Variants in OTOG observed in about 807,000 individuals in gnomAD.
The protein encoded by OTOG is otogelin.
OTOG carries 296 observed loss-of-function variants against 313.8 expected under a neutral mutation model. That is an observed-to-expected ratio of 0.94 (90% confidence interval 0.86 to 1.04). The LOEUF (loss-of-function observed/expected upper bound fraction) is 1.04, where lower values mean the gene tolerates loss of function less well. Among genes scored for constraint, OTOG ranks in the 50% least tolerant of loss-of-function variants. OTOG has a pLI of 0.00. For missense variants in OTOG, 3,948 were observed against 3,840.1 expected (o/e 1.03, Z -0.74); for synonymous variants, 1,533 against 1,554.9 (o/e 0.99, Z 0.33).
intron 30 of OTOG, among the ~76,000 whole-genome samples, chr11:17,597,748 A>G (rs1335656841): frequency 6.6e-6 from 1 of 152,182 alleles, no homozygotes; most frequent in Non-Finnish European, 1.5e-5. Context: ...ATTCCCACGC[A>G]CCAAAGGATT....
Position 17,639,443 on chromosome 11 carries a change from C to A in OTOG, c.7915C>A (p.Pro2639Thr), listed in dbSNP as rs528744111. ...KSCECDCDTI[P>T]VPRCHLWEKS... ...TTCAGAATGTGACTGTGACACAATC[C>A]CGGTGCCCCGGTGCCATCTGGTATG... The change falls in exon 49 of 56, where the codon CCG becomes ACG. Residue 2639 changes from proline (P) to threonine (T), a missense_variant. By Grantham distance (38) the Pro-to-Thr change is conservative. Coordinates refer to ENST00000399397, the MANE Select transcript of OTOG (RefSeq NM_001292063.2). 2.6e-6 allele frequency: 4 copies of A among 1,550,700 alleles called. No homozygotes were observed. The East Asian group carries it at 9.8e-5, about 38-fold the overall frequency.
chr11:17,620,657 A>G (rs1853841906), intron 39 of OTOG, among the ~76,000 whole-genome samples: 1 of 150,586 alleles, frequency 6.6e-6, no homozygotes, highest in African/African-American at 2.4e-5. Context: ...TGCTTTTATG[A>G]TTTTCCTTCT....
At chr11:17,641,814 T>C (rs536546147) in intron 51 of OTOG, 33 bp from the exon 52 acceptor site, 28 of 1,487,156 alleles carry the variant, frequency 1.9e-5, no homozygotes, top group Non-Finnish European at 2.5e-5. Context: ...GAGGTGGGCA[T>C]CTGGCTGAGG....
intron 23 of OTOG, among the ~76,000 whole-genome samples, chr11:17,582,307 AAC>A (rs1156898574): frequency 6.6e-6 from 1 of 152,152 alleles, no homozygotes; most frequent in African/African-American, 2.4e-5. Context: ...TATATATACA[AAC>A]ACACACACAT....
rs188515087 is a variant in OTOG at position 17,643,970 on chromosome 11, G to T, written c.8461+464G>T. On this transcript the variant is annotated intron_variant, in intron 54 of 55. Coordinates refer to ENST00000399397, the MANE Select transcript of OTOG (RefSeq NM_001292063.2). The stretch of plus-strand genomic sequence containing the variant: ...CCTCCACGGGTTAGTGTCCACTGTC[G>T]CCCAGGTACTCCTCTCGGAAGCCCA... Among the ~76,000 whole-genome samples the T allele has an allele frequency of 3.9e-5, 6 of 152,164 alleles. No individual in the cohort carries two copies. The East Asian group carries it at 7.7e-4, about 20-fold the overall frequency.
chr11:17,607,377 C>T (rs560163547), intron 33 of OTOG, among the ~76,000 whole-genome samples: 1 of 152,338 alleles, frequency 6.6e-6, no homozygotes, highest in African/African-American at 2.4e-5. Flanking sequence ...CTGGGGTCTA[C>T]TTGTCTGCCT....
chr11:17,621,471 C>G (rs1590048632), intron 39 of OTOG, among the ~76,000 whole-genome samples: 1 of 152,134 alleles, frequency 6.6e-6, no homozygotes, highest in East Asian at 1.9e-4. Flanking sequence ...CTGTCTGTTT[C>G]TCTCAGGTGG....
At chr11:17,626,950 T>G (rs1236729559) in intron 39 of OTOG, among the ~76,000 whole-genome samples, 2 of 152,246 alleles carry the variant, frequency 1.3e-5, no homozygotes, top group African/African-American at 2.4e-5. Flanking sequence ...ATGCTACTGA[T>G]TTTTCTATGT....
At position 17,606,062 on chromosome 11, in the gene OTOG, G is replaced by T. The variant is rs767688779; in HGVS notation, c.4083G>T (p.Ser1361=). The T allele has an allele frequency of 6.4e-7, 1 of 1,550,438 alleles. No homozygotes were observed. Among genetic ancestry groups the T allele is most frequent in the East Asian group, 2.4e-5 (1 of 40,914 alleles). Residue 1361 remains serine, a synonymous_variant, in exon 33 of 56, where the codon TCG becomes TCT. Coordinates refer to ENST00000399397, the MANE Select transcript of OTOG (RefSeq NM_001292063.2). The stretch of plus-strand genomic sequence containing the variant: ...AGCCCAGCTCCTTCCTCTATGTGTC[G>T]GGCGCGGTGCTGGCCCTGCGGCTGT... The part of the protein sequence containing the change: ...LAKPSSFLYV[S]GAVLALRLYE...
chr11:17,585,710 G>A (rs757752734), intron 23 of OTOG, among the ~76,000 whole-genome samples: 2 of 152,090 alleles, frequency 1.3e-5, no homozygotes, highest in Non-Finnish European at 2.9e-5. Flanking sequence ...CCATCATCCT[G>A]TACTATAGTC....
chr11:17,642,062 C>G, intron 52 of OTOG, 65 bp from the exon 53 acceptor site: 1 of 1,519,318 alleles, frequency 6.6e-7, no homozygotes, highest in Non-Finnish European at 8.9e-7. Context: ...GCTCCCAGAC[C>G]CTATGGGTTT....
At chr11:17,577,567 C>G (rs968599537) in intron 22 of OTOG, among the ~76,000 whole-genome samples, 1 of 152,178 alleles carries the variant, frequency 6.6e-6, no homozygotes, top group Non-Finnish European at 1.5e-5. Flanking sequence ...AGCTGTGCAG[C>G]CCTGGGCAAC....
At chr11:17,600,481 C>A (rs1158439892) in intron 31 of OTOG, among the ~76,000 whole-genome samples, 1 of 152,170 alleles carries the variant, frequency 6.6e-6, no homozygotes, top group Non-Finnish European at 1.5e-5. Context: ...GAGGCCCAGA[C>A]TTTTTGTCCT....
chr11:17,586,371 G>T (rs1852794012), intron 23 of OTOG, 103 bp from the exon 24 acceptor site: 1 of 567,408 alleles, frequency 1.8e-6, no homozygotes, highest in South Asian at 6.4e-5. Flanking sequence ...TAGGGTAAAT[G>T]CTGGGAGCCA....
intron 47 of OTOG, among the ~76,000 whole-genome samples, chr11:17,637,259 CA>C (rs1367887344): frequency 6.6e-6 from 1 of 152,040 alleles, no homozygotes; most frequent in Non-Finnish European, 1.5e-5. Context: ...TTTCATTGAA[CA>C]ATCACTACCT....
chr11:17,606,285 A>C, intron 33 of OTOG, 150 bp downstream of exon 33: 1 of 1,094,806 alleles, frequency 9.1e-7, no homozygotes, highest in Non-Finnish European at 1.3e-6. Context: ...CCACCCTGAG[A>C]TGAGAGGTGG....
At chr11:17,633,553 T>C (rs1365361177) in intron 42 of OTOG, 127 bp from the exon 43 acceptor site, 4 of 862,218 alleles carry the variant, frequency 4.6e-6, no homozygotes, top group Non-Finnish European at 6.9e-6. Flanking sequence ...CTTTAACTTA[T>C]GCACTCTCTG....
chr11:17,582,078 A>G (rs555450480), intron 23 of OTOG, among the ~76,000 whole-genome samples: 1 of 152,290 alleles, frequency 6.6e-6, no homozygotes, highest in African/African-American at 2.4e-5. Flanking sequence ...TGTTATATAT[A>G]ATAAAATGTA....
At chr11:17,638,780 C>T (rs1474621500) in intron 48 of OTOG, 3 of 1,521,158 alleles carry the variant, frequency 2.0e-6, no homozygotes, top group South Asian at 1.2e-5. Context: ...GTTTCCCATT[C>T]CAAAGAGGGT....
Sources: gnomAD v4.1 joint callset for allele counts (sites outside exome capture counted in the v4.1 genomes callset) on GRCh38, gnomAD v4.1.1 for gene constraint, MANE v1.5 for transcripts, NCBI Gene and HGNC (gene_info 2026-07-23, HGNC 2026-07-21) for gene names.